Variants in ATP5F1D observed in about 807,000 individuals in gnomAD.
The protein encoded by ATP5F1D is ATP synthase F1 subunit delta, also known as ATP synthase F(1) complex subunit delta, mitochondrial.
Under a neutral mutation model 13.0 loss-of-function variants are expected in ATP5F1D, and 16 were observed. The ratio of observed to expected loss-of-function variants is 1.23; its 90% CI spans 0.83 to 1.87. The LOEUF is 1.87. ATP5F1D is among the 40% of genes most tolerant of loss of function. The pLI is 0.00. For missense variants in ATP5F1D, 294 were observed against 246.2 expected, an observed-to-expected ratio of 1.19 and a Z score of -1.30; for synonymous variants, 129 against 116.2, an observed-to-expected ratio of 1.11 and a Z score of -0.71.
chr19:1,242,493 T>C lies in ATP5F1D; in HGVS notation c.179T>C (p.Val60Ala), dbSNP rs1322539460. The C allele has an allele frequency of 4.5e-6, 7 of 1,554,226 alleles. No homozygotes were observed. The Admixed American group carries it at 1.3e-4, about 30-fold the overall frequency. Residue 60 changes from valine to alanine, a missense_variant, in exon 2 of 4, where the codon GTG becomes GCG. Physicochemically the swap from Val to Ala is moderately conservative, Grantham distance 64. Transcript: ENST00000215375. ...GGTGCCAACGTCCGGCAGGTGGACGTGCCCACGCTGACCGGAGCCTTCGGC... is the reference window on the plus strand; with the variant it reads ...GGTGCCAACGTCCGGCAGGTGGACGCGCCCACGCTGACCGGAGCCTTCGGC... ...FNGANVRQVDVPTLTGAFGIL... is the reference protein window; with the variant it reads ...FNGANVRQVDAPTLTGAFGIL...
rs564285599 is a variant in ATP5F1D at position 1,241,782 on chromosome 19, C to A, written c.-69C>A. The A allele has an allele frequency of 1.4e-4, 176 of 1,274,480 alleles. 1 individual carries two copies. The African/African-American group carries it at 2.5e-3, about 18-fold the overall frequency. 78.9% of individuals were successfully genotyped at this position (1,274,480 alleles called of 1,614,324 possible). A position where few individuals can be genotyped will look rare whatever the true frequency, so the allele number is the denominator to read the frequency against. On this transcript the variant is annotated 5_prime_UTR_variant, in exon 1 of 4. Transcript: ENST00000215375. ...CCCTGCGCGTCGTCCTCCTCGCCCT[C>A]CAGGCCGCCCGCGCCGCGCCGGAGT...
intron 2 of ATP5F1D, 91 bp from the exon 3 acceptor site, chr19:1,244,006 T>G (rs2081049927): frequency 4.6e-6 from 6 of 1,308,250 alleles, no homozygotes; most frequent in Non-Finnish European, 6.4e-6. Flanking sequence ...GAGCTCCTGG[T>G]TCACAGGGGG....
Position 1,241,876 on chromosome 19 carries a change from G to A in ATP5F1D, c.26G>A (p.Arg9His). Reference sequence around the variant, plus strand: ...ATGCTGCCCGCCGCGCTGCTCCGCCGCCCGGGACTTGGCCGCCTCGTCCGC... The same window carrying A: ...ATGCTGCCCGCCGCGCTGCTCCGCCACCCGGGACTTGGCCGCCTCGTCCGC... MLPAALLR[R>H]PGLGRLVRHA... is the part of the protein sequence containing the mutation. Residue 9 changes from arginine (R) to histidine (H), a missense_variant, in exon 1 of 4, where the codon CGC becomes CAC. Arg to His is a conservative substitution (Grantham distance 29). Coordinates refer to ENST00000215375, the MANE Select transcript of ATP5F1D (RefSeq NM_001687.5). The A allele has an allele frequency of 2.1e-6, 3 of 1,409,532 alleles. No homozygotes were observed. The highest frequency in any genetic ancestry group is 2.9e-5 in the Admixed American group (1 of 34,592). 87.3% of individuals were successfully genotyped at this position (1,409,532 alleles called of 1,614,324 possible).
intron 2 of ATP5F1D, among the ~76,000 whole-genome samples, chr19:1,243,553 G>A (rs2081047922): frequency 6.6e-6 from 1 of 152,036 alleles, no homozygotes; most frequent in Admixed American, 6.6e-5. Context: ...CTACTCGGGA[G>A]GCTGAAGCAA....
In ATP5F1D at chr19:1,242,064, G is replaced by A; in HGVS notation, c.141+73G>A. 5 of 1,292,578 alleles carry A rather than the reference G, an allele frequency of 3.9e-6. No homozygotes were observed. The South Asian group carries it at 1.3e-4, about 33-fold the overall frequency. The allele number at this position is 1,292,578 out of a possible 1,614,324, so 80.1% of individuals were successfully genotyped here. A position where few individuals can be genotyped will look rare whatever the true frequency, so the allele number is the denominator to read the frequency against. ...TCCAGGGTCCCCACCCCCAGGGCGC[G>A]ACCCCCGCTTCCGGGCCCCCGGACC... On this transcript the variant is annotated intron_variant, in intron 1 of 3. Transcript: ENST00000215375.
In ATP5F1D at chr19:1,242,609, G is replaced by A. The variant is rs1338483586; in HGVS notation, c.295G>A (p.Val99Met). 1 of 1,513,220 alleles carries A rather than the reference G, an allele frequency of 6.6e-7. No homozygotes were observed. The highest frequency in any genetic ancestry group is 1.4e-5 in the African/African-American group (1 of 71,962). The allele number at this position is 1,513,220 out of a possible 1,614,324, so 93.7% of individuals were successfully genotyped here. ...GGACGGCACCACCTCCAAATACTTT[G>A]GTGAGTCCGGTGGAGGGCTGCAGGG... ...AEDGTTSKYF[V>M]SSGSIAVNAD... The change falls in exon 2 of 4, where the codon GTG becomes ATG. Residue 99 changes from valine (V) to methionine (M), a missense_variant and splice_region_variant. Transcript: ENST00000215375.
In ATP5F1D at chr19:1,244,799, C is replaced by T. The variant is rs975755976; in HGVS notation, c.*362C>T. The T allele has an allele frequency of 1.9e-5, 5 of 268,598 alleles. No homozygotes were observed. The highest frequency in any genetic ancestry group is 9.4e-5 in the South Asian group (2 of 21,248). 16.6% of individuals were successfully genotyped at this position (268,598 alleles called of 1,614,324 possible). A position where few individuals can be genotyped will look rare whatever the true frequency, so the allele number is the denominator to read the frequency against. ...CTCTGGATGAACTGCCCCCAGCCCC[C>T]GCCCCATTAAAGACCCGGAAGCCTG... On this transcript the variant is annotated 3_prime_UTR_variant, in exon 4 of 4. Transcript: ENST00000215375.
intron 2 of ATP5F1D, 167 bp from the exon 3 acceptor site, chr19:1,243,930 T>G: frequency 6.0e-6 from 4 of 665,158 alleles, no homozygotes; most frequent in Non-Finnish European, 1.0e-5. Context: ...TTGCCCGCCA[T>G]GTTGGGCCCA....
chr19:1,244,495 G>A lies in ATP5F1D; in HGVS notation c.*58G>A. On this transcript the variant is annotated 3_prime_UTR_variant, in exon 4 of 4. Coordinates refer to ENST00000215375, the MANE Select transcript of ATP5F1D (RefSeq NM_001687.5). ...AGGGGCTGGGCAGGGATGCCAGGTG[G>A]GCCCAGCCAGCTCCTGGGGTCCCGG... is the stretch of plus-strand genomic sequence containing the variant. 1 of 1,522,942 alleles carries A rather than the reference G, an allele frequency of 6.6e-7. No individual in the cohort carries two copies. The allele number at this position is 1,522,942 out of a possible 1,614,324, so 94.3% of individuals were successfully genotyped here. A position where few individuals can be genotyped will look rare whatever the true frequency, so the allele number is the denominator to read the frequency against.
At chr19:1,243,952 G>T in intron 2 of ATP5F1D, 145 bp from the exon 3 acceptor site, 1 of 803,774 alleles carries the variant, frequency 1.2e-6, no homozygotes, top group Non-Finnish European at 2.0e-6. Flanking sequence ...GGCCAGTCCT[G>T]TGGGTCTGTT....
intron 3 of ATP5F1D, 52 bp downstream of exon 3, chr19:1,244,237 C>T (rs368262732): frequency 1.6e-4 from 251 of 1,585,920 alleles, no homozygotes; most frequent in Non-Finnish European, 2.1e-4. Flanking sequence ...GTCCAGGCTG[C>T]GGGGGAGGGA....
intron 1 of ATP5F1D, 198 bp downstream of exon 1, chr19:1,242,189 TA>T: frequency 1.2e-6 from 1 of 831,132 alleles, no homozygotes; most frequent in Non-Finnish European, 1.6e-6. Flanking sequence ...CTCCCCGAGA[TA>T]AGCGTCTCCT....
Position 1,241,992 on chromosome 19 carries a change from G to A in ATP5F1D, c.141+1G>A. 6.9e-7 allele frequency: 1 copy of A among 1,444,144 alleles called. No individual in the cohort carries two copies. Among genetic ancestry groups the A allele is most frequent in the Non-Finnish European group, 9.1e-7 (1 of 1,097,694 alleles). The allele number at this position is 1,444,144 out of a possible 1,614,324, so 89.5% of individuals were successfully genotyped here. On this transcript the variant is annotated splice_donor_variant, in intron 1 of 3. Coordinates refer to ENST00000215375, the MANE Select transcript of ATP5F1D (RefSeq NM_001687.5). LOFTEE classifies it high-confidence loss of function. Reference sequence around the variant, plus strand: ...CTTCACCTTCGCCTCTCCCACGCAGGTTCGGGCGCTGCGGGTCGGGACCCT... The same window carrying A: ...CTTCACCTTCGCCTCTCCCACGCAGATTCGGGCGCTGCGGGTCGGGACCCT...
rs371300079 is a variant in ATP5F1D, at chr19:1,242,182, C to T, written c.141+191C>T. 2.2e-5 allele frequency: 19 copies of T among 872,172 alleles called. No individual in the cohort carries two copies. In the African/African-American group the frequency reaches 2.5e-4, roughly 11 times the overall value. The allele number at this position is 872,172 out of a possible 1,614,324, so 54.0% of individuals were successfully genotyped here. A position where few individuals can be genotyped will look rare whatever the true frequency, so the allele number is the denominator to read the frequency against. On this transcript the variant is annotated intron_variant, in intron 1 of 3. Coordinates refer to ENST00000215375, the MANE Select transcript of ATP5F1D (RefSeq NM_001687.5). ...GCGCTGCCCTCGTCCCGGGCACCTC[C>T]CCGAGATAAGCGTCTCCTGGGTGCC...
chr19:1,242,174 G>T, intron 1 of ATP5F1D, 183 bp downstream of exon 1: 1 of 907,988 alleles, frequency 1.1e-6, no homozygotes, highest in South Asian at 3.6e-5. Context: ...CCTCGTCCCG[G>T]GCACCTCCCC....
chr19:1,242,323 G>A (rs1412718547), intron 1 of ATP5F1D, 133 bp from the exon 2 acceptor site: 2 of 1,158,546 alleles, frequency 1.7e-6, no homozygotes, highest in East Asian at 3.1e-5. Context: ...TCGGATCCCT[G>A]CGCTGGGTTG....
At chr19:1,242,682 T>G in intron 2 of ATP5F1D, 73 bp downstream of exon 2, 1 of 1,387,110 alleles carries the variant, frequency 7.2e-7, no homozygotes, top group Non-Finnish European at 9.4e-7. Flanking sequence ...CCGTCTCAGT[T>G]GAGGCTGCGA....
intron 1 of ATP5F1D, 93 bp from the exon 2 acceptor site, chr19:1,242,363 T>C: frequency 7.3e-7 from 1 of 1,378,816 alleles, no homozygotes; most frequent in Non-Finnish European, 9.5e-7. Context: ...CGCCAGGTCC[T>C]GCCCTGACCC....
intron 2 of ATP5F1D, among the ~76,000 whole-genome samples, chr19:1,243,566 G>A (rs573496157): frequency 6.6e-6 from 1 of 152,132 alleles, no homozygotes; most frequent in South Asian, 2.1e-4. Flanking sequence ...TGAAGCAAGA[G>A]GACCGCTTCA....
Sources: gnomAD v4.1 joint callset for allele counts (sites outside exome capture counted in the v4.1 genomes callset) on GRCh38, gnomAD v4.1.1 for gene constraint, MANE v1.5 for transcripts, NCBI Gene and HGNC (gene_info 2026-07-23, HGNC 2026-07-21) for gene names.